SS18L1: variants seen among roughly 807,000 people sequenced by gnomAD.
SS18L1 encodes the protein SS18L1 subunit of BAF chromatin remodeling complex, also known as calcium-responsive transactivator.
In SS18L1, 32 loss-of-function variants were observed where a neutral mutation model predicts 70.3. The ratio of observed to expected loss-of-function variants is 0.46; its 90% CI spans 0.34 to 0.61. The LOEUF (loss-of-function observed/expected upper bound fraction) is 0.61. SS18L1 is among the 20% of genes least tolerant of loss of function. The pLI is 0.01. For synonymous variants in SS18L1, 237 were observed against 229.7 expected (o/e 1.03, Z -0.29); for missense variants, 430 against 542.1 (o/e 0.79, Z 2.05).
intron 8 of SS18L1, among the ~76,000 whole-genome samples, chr20:62,167,044 T>G (rs2057446908): frequency 1.6e-5 from 2 of 127,798 alleles, no homozygotes; most frequent in Non-Finnish European, 1.6e-5. Context: ...GTTTGTTTGT[T>G]TTTTTTTTTT....
At position 62,149,202 on chromosome 20, in the gene SS18L1, C is replaced by G. The variant is rs574434730; in HGVS notation, c.69+5313C>G. Among the ~76,000 whole-genome samples, 3 of 152,350 alleles carry G rather than the reference C, an allele frequency of 2.0e-5. No homozygotes were observed. In the South Asian group the frequency reaches 6.2e-4, roughly 32 times the overall value. ...GAATAAACAGGCCCTGGGTGCCGAG[C>G]AGTTAGCGGGCTGGCGCTGATGGAC... On this transcript the variant is annotated intron_variant, in intron 1 of 10. Transcript: ENST00000331758.
At chr20:62,150,735 C>T (rs1344871282) in intron 1 of SS18L1, among the ~76,000 whole-genome samples, 3 of 138,908 alleles carry the variant, frequency 2.2e-5, no homozygotes, top group Admixed American at 8.0e-5. Context: ...CTCGTGCAGC[C>T]TTGTCCTCCT....
In SS18L1 at chr20:62,165,436, G is replaced by A. The variant is rs374922490; in HGVS notation, c.838G>A (p.Ala280Thr). ...GTTTCGCACAGGCCATGGCGATTAC[G>A]CCTACCAGCAGTCATCCTACACGGA... The part of the protein sequence containing the change: ...QYYPDGHGDY[A>T]YQQSSYTEQS... The change falls in exon 8 of 11, where the codon GCC becomes ACC. Residue 280 changes from alanine (A) to threonine (T), a missense_variant. By Grantham distance (58) the Ala-to-Thr change is moderately conservative (BLOSUM62 0). Transcript: ENST00000331758. 34 of 1,612,344 alleles carry A rather than the reference G, an allele frequency of 2.1e-5. No homozygotes were observed. Among genetic ancestry groups the A allele is most frequent in the Non-Finnish European group, 2.7e-5 (32 of 1,179,662 alleles).
intron 10 of SS18L1, among the ~76,000 whole-genome samples, chr20:62,175,747 T>G (rs1247539000): frequency 1.3e-5 from 2 of 152,254 alleles, no homozygotes; most frequent in Non-Finnish European, 2.9e-5. Flanking sequence ...TTTTAAATGC[T>G]TCTCGTCCTC....
chr20:62,157,850 C>T (rs974521337), intron 1 of SS18L1, among the ~76,000 whole-genome samples: 7 of 152,042 alleles, frequency 4.6e-5, no homozygotes, highest in East Asian at 3.9e-4. Context: ...CGCAGTCTCA[C>T]GCATCTTTTC....
In SS18L1 at chr20:62,179,485, A is replaced by C; in HGVS notation, c.*277A>C. On this transcript the variant is annotated 3_prime_UTR_variant, in exon 11 of 11. Transcript: ENST00000331758. ...TTTTTTGTCCCCCGCCCCCTTCTCA[A>C]TGTTTCTAGCTAGCTTTGGGGGTCA... 2.0e-6 allele frequency: 1 copy of C among 511,964 alleles called. No individual in the cohort carries two copies. The allele number at this position is 511,964 out of a possible 1,614,324, so 31.7% of individuals were successfully genotyped here. A position where few individuals can be genotyped will look rare whatever the true frequency, so the allele number is the denominator to read the frequency against.
In SS18L1 at chr20:62,180,469, CT is replaced by C; in HGVS notation, c.*1265del. 1 of 183,172 alleles carries C rather than the reference CT, an allele frequency of 5.5e-6. No homozygotes were observed. The highest frequency in any genetic ancestry group is 1.2e-5 in the Non-Finnish European group (1 of 86,086). 11.3% of individuals were successfully genotyped at this position (183,172 alleles called of 1,614,324 possible). On this transcript the variant is annotated 3_prime_UTR_variant, in exon 11 of 11. Transcript: ENST00000331758. ...ATAATATTCATATTTGCTATGAATC[CT>C]TTTAAAAAAATCTTTGGATAAATGC...
At position 62,174,712 on chromosome 20, in the gene SS18L1, C is replaced by T. The variant is rs1293628024; in HGVS notation, c.1164+68C>T. The T allele has an allele frequency of 1.2e-6, 2 of 1,611,940 alleles. No individual in the cohort carries two copies. The highest frequency in any genetic ancestry group is 1.3e-5 in the African/African-American group (1 of 75,058). On this transcript the variant is annotated intron_variant, in intron 10 of 10. Coordinates refer to ENST00000331758, the MANE Select transcript of SS18L1 (RefSeq NM_198935.3). The surrounding 1 kb of genome is among the most constrained non-coding windows in gnomAD (Gnocchi z 4.1). ...CTGTCGAGACATAATGAAGATTTCT[C>T]TTATGGCCATGAGGAATAATGAGCT...
intron 1 of SS18L1, among the ~76,000 whole-genome samples, chr20:62,157,177 G>T (rs1195569543): frequency 1.3e-5 from 2 of 152,136 alleles, no homozygotes; most frequent in Non-Finnish European, 1.5e-5. Flanking sequence ...GTGTCTGCAG[G>T]ATGCCGCCTG....
chr20:62,144,634 C>T (rs919023925), intron 1 of SS18L1, among the ~76,000 whole-genome samples: 11 of 152,274 alleles, frequency 7.2e-5, no homozygotes, highest in Non-Finnish European at 1.5e-4. Flanking sequence ...AACCTTTCTT[C>T]TAGCTCCGTA....
chr20:62,149,559 G>T (rs964722547), intron 1 of SS18L1, among the ~76,000 whole-genome samples: 6 of 152,248 alleles, frequency 3.9e-5, no homozygotes, highest in African/African-American at 1.4e-4. Flanking sequence ...GGTGGGGCAG[G>T]CCGGGCCTCC....
At chr20:62,177,533 G>A (rs1410327178) in intron 10 of SS18L1, among the ~76,000 whole-genome samples, 4 of 151,540 alleles carry the variant, frequency 2.6e-5, no homozygotes, top group Non-Finnish European at 4.4e-5. Context: ...GGGGGCATTC[G>A]GGAAATCTGA....
intron 8 of SS18L1, among the ~76,000 whole-genome samples, chr20:62,170,323 G>GT (rs1248132091): frequency 2.0e-5 from 3 of 152,194 alleles, no homozygotes; most frequent in African/African-American, 4.8e-5. Flanking sequence ...GGCTAACACG[G>GT]TGAAACCCCG....
chr20:62,166,982 G>A (rs1446149346), intron 8 of SS18L1, among the ~76,000 whole-genome samples: 2 of 149,436 alleles, frequency 1.3e-5, no homozygotes, highest in Non-Finnish European at 3.0e-5. Flanking sequence ...GCTTACGCCT[G>A]TAATCCCAGC....
At chr20:62,168,687 G>A (rs1444882080) in intron 8 of SS18L1, among the ~76,000 whole-genome samples, 1 of 152,150 alleles carries the variant, frequency 6.6e-6, no homozygotes, top group African/African-American at 2.4e-5. Flanking sequence ...GGTGGCATGC[G>A]CCTGTTGTCC....
In SS18L1 at chr20:62,159,151, G is replaced by A. The variant is rs2057279473; in HGVS notation, c.146+403G>A. 6.6e-6 allele frequency among the ~76,000 whole-genome samples: 1 copy of A among 152,204 alleles called. No individual in the cohort carries two copies. The highest frequency in any genetic ancestry group is 2.4e-5 in the African/African-American group (1 of 41,444). On this transcript the variant is annotated intron_variant, in intron 2 of 10. Transcript: ENST00000331758. This position sits in a 1 kb window ranked among gnomAD's most constrained non-coding sequence, Gnocchi z 4.4. ...TGGGAGGCAGGAGCAGTGTGGGGAG[G>A]CCTGGGCCAGCCTCTCTGGGCAGCT...
In SS18L1 at chr20:62,179,448, G is replaced by T; in HGVS notation, c.*240G>T. On this transcript the variant is annotated 3_prime_UTR_variant, in exon 11 of 11. Coordinates refer to ENST00000331758, the MANE Select transcript of SS18L1 (RefSeq NM_198935.3). ...GTATAGTATTGTATGTCGGTACACG[G>T]AGAGGTATCCTTTTTTTGTCCCCCG... 1.8e-6 allele frequency: 1 copy of T among 561,066 alleles called. No individual in the cohort carries two copies. Among genetic ancestry groups the T allele is most frequent in the East Asian group, 2.9e-5 (1 of 34,016 alleles). 34.8% of individuals were successfully genotyped at this position (561,066 alleles called of 1,614,324 possible). A position where few individuals can be genotyped will look rare whatever the true frequency, so the allele number is the denominator to read the frequency against.
chr20:62,163,413 G>T, intron 5 of SS18L1, 45 bp from the exon 6 acceptor site: 2 of 1,608,980 alleles, frequency 1.2e-6, no homozygotes, highest in South Asian at 2.2e-5. Flanking sequence ...GAGGGAGGGC[G>T]GGAGGCTTCC....
chr20:62,143,792 G>T lies in SS18L1; in HGVS notation c.-29G>T. On this transcript the variant is annotated 5_prime_UTR_variant, in exon 1 of 11. The change abolishes an upstream ATG in the 5' untranslated region. Coordinates refer to ENST00000331758, the MANE Select transcript of SS18L1 (RefSeq NM_198935.3). Reference sequence around the variant, plus strand: ...GCGCAGCCGGAGTATCCACCTCGATGACCACGGGCTGAGCCCCGCGCCGCC... The same window carrying T: ...GCGCAGCCGGAGTATCCACCTCGATTACCACGGGCTGAGCCCCGCGCCGCC... 7.5e-7 allele frequency: 1 copy of T among 1,337,862 alleles called. No individual in the cohort carries two copies. Among genetic ancestry groups the T allele is most frequent in the South Asian group, 1.3e-5 (1 of 77,106 alleles). 82.9% of individuals were successfully genotyped at this position (1,337,862 alleles called of 1,614,324 possible). A position where few individuals can be genotyped will look rare whatever the true frequency, so the allele number is the denominator to read the frequency against.
Sources: allele counts gnomAD v4.1 joint callset (sites outside exome capture counted in the v4.1 genomes callset), GRCh38; gene constraint gnomAD v4.1.1; non-coding constraint Gnocchi (gnomAD v3.1); transcripts MANE v1.5; gene names NCBI Gene and HGNC (gene_info 2026-07-23, HGNC 2026-07-21).